C2orf92: variants seen among roughly 807,000 people sequenced by gnomAD.
C2orf92 encodes chromosome 2 open reading frame 92.
chr2:97,676,638 G>A (rs1675595472), intron 3 of C2orf92, among the ~76,000 whole-genome samples: 1 of 151,666 alleles, frequency 6.6e-6, no homozygotes, highest in African/African-American at 2.4e-5. Flanking sequence ...CAAGTGTGGT[G>A]GCATGTGCCT....
intron 1 of C2orf92, chr2:97,671,379 T>C (rs1336733062): frequency 5.3e-5 from 21 of 397,366 alleles, no homozygotes; most frequent in Non-Finnish European, 8.4e-5. Flanking sequence ...ACTCCTGACC[T>C]CAAGTGATCC....
At position 97,674,485 on chromosome 2, in the gene C2orf92, G is replaced by T; in HGVS notation, c.76G>T (p.Val26Phe). Residue 26 changes from valine to phenylalanine, a missense_variant, in exon 2 of 8, where the codon GTT (valine) becomes TTT (phenylalanine). Val to Phe is a conservative substitution (Grantham distance 50). Coordinates refer to ENST00000627399, the MANE Select transcript of C2orf92 (RefSeq NM_001351368.2). The stretch of plus-strand genomic sequence containing the variant: ...AATTGTGCTCCAAGTGTTTTCCAAG[G>T]TTCCGTATGACCCATCATTTGATGA... Reference protein sequence around the residue: ...DEIVLQVFSKVPYDPSFDETR... With the variant: ...DEIVLQVFSKFPYDPSFDETR... 2.5e-6 allele frequency: 1 copy of T among 398,500 alleles called. No homozygotes were observed. 24.7% of individuals were successfully genotyped at this position (398,500 alleles called of 1,614,324 possible).
In C2orf92 at chr2:97,675,851, C is replaced by T. The variant is rs1054388869; in HGVS notation, c.155C>T (p.Ser52Phe). 10 of 398,948 alleles carry T rather than the reference C, an allele frequency of 2.5e-5. No homozygotes were observed. Among genetic ancestry groups the T allele is most frequent in the Non-Finnish European group, 4.4e-5 (10 of 226,084 alleles). 24.7% of individuals were successfully genotyped at this position (398,948 alleles called of 1,614,324 possible). A position where few individuals can be genotyped will look rare whatever the true frequency, so the allele number is the denominator to read the frequency against. The change falls in exon 3 of 8, where the codon TCC becomes TTC. Residue 52 changes from serine (S) to phenylalanine (F), a missense_variant. By Grantham distance (155) the Ser-to-Phe change is radical (BLOSUM62 -2). Coordinates refer to ENST00000627399, the MANE Select transcript of C2orf92 (RefSeq NM_001351368.2). ...ATGGTTTATTTTCCCTTAGGCTATTCCCAACAGAAGAGCTTGAACAATGCT... is the reference window on the plus strand; with the variant it reads ...ATGGTTTATTTTCCCTTAGGCTATTTCCAACAGAAGAGCTTGAACAATGCT... ...ITKRDTQKSY[S>F]QQKSLNNAAF...
upstream of C2orf92, chr2:97,663,981 C>T: frequency 1.2e-6 from 1 of 810,550 alleles, no homozygotes; most frequent in Non-Finnish European, 1.6e-6. Flanking sequence ...CGGCGGCTCC[C>T]GACGCGGCGC....
At chr2:97,683,427 A>G (rs1486276143) in intron 3 of C2orf92, among the ~76,000 whole-genome samples, 3 of 152,014 alleles carry the variant, frequency 2.0e-5, no homozygotes, top group Non-Finnish European at 4.4e-5. Context: ...TTGACCTGGC[A>G]TGATGGCTCA....
At chr2:97,690,439 G>C (rs183198960) in intron 5 of C2orf92, 112 bp downstream of exon 5, 1 of 379,732 alleles carries the variant, frequency 2.6e-6, no homozygotes, top group Non-Finnish European at 4.7e-6. Flanking sequence ...GGAGTACAGC[G>C]GTGCAGTCTC....
At chr2:97,690,438 C>G (rs915305212) in intron 5 of C2orf92, 111 bp downstream of exon 5, 1 of 368,432 alleles carries the variant, frequency 2.7e-6, no homozygotes, top group Non-Finnish European at 4.8e-6. Context: ...TGGAGTACAG[C>G]GGTGCAGTCT....
upstream of C2orf92, chr2:97,669,396 G>T (rs542209153): frequency 6.4e-6 from 1 of 155,608 alleles, no homozygotes; most frequent in Non-Finnish European, 1.4e-5. Flanking sequence ...CTCTGCGCCC[G>T]GCTGTGATGT....
In C2orf92 at chr2:97,703,056, T is replaced by G. The variant is rs1352785408; in HGVS notation, c.*255T>G. On this transcript the variant is annotated 3_prime_UTR_variant, in exon 8 of 8. Coordinates refer to ENST00000627399, the MANE Select transcript of C2orf92 (RefSeq NM_001351368.2). ...ATCATTTAATAAAGCATTGATTCAT[T>G]TTTTCAGTCATTCATTGAACAGATA... The G allele has an allele frequency of 3.1e-6, 1 of 321,804 alleles. No homozygotes were observed. Among genetic ancestry groups the G allele is most frequent in the African/African-American group, 2.1e-5 (1 of 47,084 alleles). 19.9% of individuals were successfully genotyped at this position (321,804 alleles called of 1,614,324 possible).
At position 97,686,657 on chromosome 2, in the gene C2orf92, A is replaced by T. The variant is rs541718490; in HGVS notation, c.233-2238A>T. On this transcript the variant is annotated intron_variant, in intron 3 of 7. Coordinates refer to ENST00000627399, the MANE Select transcript of C2orf92 (RefSeq NM_001351368.2). ...GCTGGTCTCGAACTCCTGACTCATG[A>T]TCTGCCCACCTCGGCCTCCCAAAGT... 3.3e-5 allele frequency among the ~76,000 whole-genome samples: 5 copies of T among 151,784 alleles called. 1 individual carries two copies. In the South Asian group the frequency reaches 1.0e-3, roughly 32 times the overall value.
chr2:97,665,335 C>T (rs146158097), upstream of C2orf92, among the ~76,000 whole-genome samples: 3 of 152,110 alleles, frequency 2.0e-5, no homozygotes, highest in East Asian at 5.8e-4. Flanking sequence ...AATGTGGACA[C>T]ACTTGCATAA....
chr2:97,685,385 C>G (rs1223479018), intron 3 of C2orf92, among the ~76,000 whole-genome samples: 1 of 150,958 alleles, frequency 6.6e-6, no homozygotes, highest in Non-Finnish European at 1.5e-5. Flanking sequence ...CCTGCCTTAG[C>G]CTCCTGAGTA....
intron 3 of C2orf92, among the ~76,000 whole-genome samples, chr2:97,683,225 C>G (rs1247015829): frequency 6.6e-6 from 1 of 151,690 alleles, no homozygotes. Context: ...ATAATCCAAA[C>G]AAGATATGAG....
chr2:97,676,012 T>C (rs1047961818), intron 3 of C2orf92, 84 bp downstream of exon 3: 4 of 398,696 alleles, frequency 1.0e-5, no homozygotes, highest in African/African-American at 8.2e-5. Flanking sequence ...AGTAGCCTGT[T>C]CCTGCTGCTT....
At chr2:97,678,840 T>C (rs1382368051) in intron 3 of C2orf92, among the ~76,000 whole-genome samples, 4 of 148,496 alleles carry the variant, frequency 2.7e-5, no homozygotes, top group Non-Finnish European at 5.9e-5. Flanking sequence ...TAGTTGGGTG[T>C]GATGGTGCAC....
rs1676088538 is a variant in C2orf92, at chr2:97,690,371, A to G, written c.403+44A>G. 1.3e-5 allele frequency: 5 copies of G among 395,310 alleles called. No homozygotes were observed. The East Asian group carries it at 1.8e-4, about 14-fold the overall frequency. The allele number at this position is 395,310 out of a possible 1,614,324, so 24.5% of individuals were successfully genotyped here. A position where few individuals can be genotyped will look rare whatever the true frequency, so the allele number is the denominator to read the frequency against. On this transcript the variant is annotated intron_variant, in intron 5 of 7. Coordinates refer to ENST00000627399, the MANE Select transcript of C2orf92 (RefSeq NM_001351368.2). ...AATTGGAATTGGGGGTTGGTAAGTC[A>G]TTGTTCTTTTTCCTCTTTTTTTTTT...
At chr2:97,686,082 G>A (rs1044698607) in intron 3 of C2orf92, among the ~76,000 whole-genome samples, 9 of 152,228 alleles carry the variant, frequency 5.9e-5, no homozygotes, top group African/African-American at 1.9e-4. Flanking sequence ...TGAGGGGCCA[G>A]CATCTGGCAA....
At chr2:97,693,419 C>T (rs11123861) in intron 5 of C2orf92, among the ~76,000 whole-genome samples, 72,801 of 152,006 alleles carry the variant, frequency 0.48, 21,017 homozygotes, top group Non-Finnish European at 0.66. Flanking sequence ...TCCATAGCAG[C>T]TACACTGTTT....
chr2:97,687,524 TG>T (rs1441516300), intron 3 of C2orf92, among the ~76,000 whole-genome samples: 2 of 152,026 alleles, frequency 1.3e-5, no homozygotes. Context: ...TGAAGGAAGC[TG>T]TCCAAAGGCC....
Sources: gnomAD v4.1 joint callset for allele counts (sites outside exome capture counted in the v4.1 genomes callset) on GRCh38, gnomAD v4.1.1 for gene constraint, MANE v1.5 for transcripts, NCBI Gene and HGNC (gene_info 2026-07-23, HGNC 2026-07-21) for gene names.